SLC26A11: variants seen among roughly 807,000 people sequenced by gnomAD.
SLC26A11 encodes sodium-independent sulfate anion transporter.
SLC26A11 carries 58 observed loss-of-function variants against 62.2 expected under a neutral mutation model. That is an observed-to-expected ratio of 0.93 (90% CI 0.76 to 1.16). SLC26A11 has a LOEUF of 1.16. Ranked by LOEUF, SLC26A11 falls within the 50% of genes most tolerant of loss-of-function variation. The pLI is 0.00. For missense variants in SLC26A11, 790 were observed against 794.3 expected (o/e 0.99, Z 0.06); for synonymous variants, 411 against 368.9 (o/e 1.11, Z -1.31).
Position 80,252,824 on chromosome 17 carries a change from A to C in SLC26A11, c.*108A>C, listed in dbSNP as rs1598852946. ...ATAGACATGCTGGCCTGGCTGAGAA[A>C]CCCCTGAGCAGGTAACCCAGGGAAG... On this transcript the variant is annotated 3_prime_UTR_variant, in exon 18 of 18. Transcript: ENST00000361193. This position sits in a 1 kb window ranked among gnomAD's most constrained non-coding sequence, Gnocchi z 5.2. 1 of 993,466 alleles carries C rather than the reference A, an allele frequency of 1.0e-6. No individual in the cohort carries two copies. The highest frequency in any genetic ancestry group is 2.6e-5 in the East Asian group (1 of 38,272). The allele number at this position is 993,466 out of a possible 1,614,324, so 61.5% of individuals were successfully genotyped here.
intron 7 of SLC26A11, among the ~76,000 whole-genome samples, chr17:80,229,887 G>T (rs1396631810): frequency 6.6e-6 from 1 of 151,944 alleles, no homozygotes; most frequent in Non-Finnish European, 1.5e-5. Flanking sequence ...ACGCCCAGGG[G>T]ATTCATGGGG....
At chr17:80,247,889 G>C (rs565324836) in intron 13 of SLC26A11, among the ~76,000 whole-genome samples, 1 of 152,324 alleles carries the variant, frequency 6.6e-6, no homozygotes, top group Admixed American at 6.5e-5. Flanking sequence ...TGAGGTTGGA[G>C]GCCAGGGACC....
intron 13 of SLC26A11, among the ~76,000 whole-genome samples, chr17:80,247,316 A>G (rs369116261): frequency 1.5e-4 from 23 of 151,560 alleles, no homozygotes; most frequent in East Asian, 7.8e-4. Context: ...ATTCCACAAA[A>G]CCGCCATTGT....
In SLC26A11 at chr17:80,246,295, T is replaced by C. The variant is rs1360648508; in HGVS notation, c.1153+86T>C. The C allele has an allele frequency of 2.0e-6, 3 of 1,510,668 alleles. No homozygotes were observed. The highest frequency in any genetic ancestry group is 2.7e-6 in the Non-Finnish European group (3 of 1,115,662). The allele number at this position is 1,510,668 out of a possible 1,614,324, so 93.6% of individuals were successfully genotyped here. A position where few individuals can be genotyped will look rare whatever the true frequency, so the allele number is the denominator to read the frequency against. On this transcript the variant is annotated intron_variant, in intron 12 of 17. Transcript: ENST00000361193. The surrounding 1 kb of genome is among the most constrained non-coding windows in gnomAD (Gnocchi z 4.4). Reference sequence around the variant, plus strand: ...GGGCCCACAGAGACGTCCCTTTGGCTCATGGGCCGTGCGCCCCGGGACTGC... The same window carrying C: ...GGGCCCACAGAGACGTCCCTTTGGCCCATGGGCCGTGCGCCCCGGGACTGC...
chr17:80,242,229 G>A (rs2042884012), intron 10 of SLC26A11, among the ~76,000 whole-genome samples: 1 of 152,132 alleles, frequency 6.6e-6, no homozygotes, highest in African/African-American at 2.4e-5. Context: ...TGCCTGCCTC[G>A]GCCTCCCAAA....
chr17:80,224,892 C>T (rs1379548576), intron 5 of SLC26A11, among the ~76,000 whole-genome samples: 2 of 152,002 alleles, frequency 1.3e-5, no homozygotes. Context: ...GGACAGAAGA[C>T]CCTACCCCAA....
intron 6 of SLC26A11, 59 bp downstream of exon 6, chr17:80,225,975 C>T: frequency 1.3e-6 from 2 of 1,507,372 alleles, no homozygotes; most frequent in Non-Finnish European, 1.8e-6. Flanking sequence ...CACCTCCTCT[C>T]CCGGCCCCCA....
At position 80,245,218 on chromosome 17, in the gene SLC26A11, C is replaced by T; in HGVS notation, c.1059C>T (p.Ser353=). The T allele has an allele frequency of 6.2e-7, 1 of 1,613,982 alleles. No homozygotes were observed. The highest frequency in any genetic ancestry group is 8.5e-7 in the Non-Finnish European group (1 of 1,179,994). Residue 353 remains serine, a synonymous_variant, in exon 11 of 18, where the codon TCC becomes TCT. Coordinates refer to ENST00000361193, the MANE Select transcript of SLC26A11 (RefSeq NM_001166347.2). ...LAIGLTNMLG[S]LVSSYPVTGS... is the part of the protein sequence containing the mutation. ...CAGGTCTCACCAACATGTTGGGCTC[C>T]CTCGTCTCCTCCTACCCGGTCACAG...
At chr17:80,225,778 G>A (rs927343926) in intron 5 of SLC26A11, 59 bp from the exon 6 acceptor site, 6 of 1,471,646 alleles carry the variant, frequency 4.1e-6, no homozygotes, top group Middle Eastern at 1.7e-4. Flanking sequence ...GGGGAGCTGG[G>A]GACAGATGGC....
At position 80,243,484 on chromosome 17, in the gene SLC26A11, G is replaced by C. The variant is rs376627015; in HGVS notation, c.1036+1663G>C. Among the ~76,000 whole-genome samples, 69 of 152,134 alleles carry C rather than the reference G, an allele frequency of 4.5e-4. 1 individual carries two copies. Among genetic ancestry groups the C allele is most frequent in the Admixed American group, 2.8e-3 (43 of 15,274 alleles). ...ACGGTCTCGGCTTTCTGCAACCTCC[G>C]TCTCCTGGGTTCAAGCGATTCTCCT... On this transcript the variant is annotated intron_variant, in intron 10 of 17. Coordinates refer to ENST00000361193, the MANE Select transcript of SLC26A11 (RefSeq NM_001166347.2).
rs184994196 is a variant in SLC26A11 at position 80,222,645 on chromosome 17, C to T, written c.235-10C>T. 2 of 1,612,456 alleles carry T rather than the reference C, an allele frequency of 1.2e-6. No individual in the cohort carries two copies. Among genetic ancestry groups the T allele is most frequent in the South Asian group, 1.1e-5 (1 of 90,884 alleles). On this transcript the variant is annotated splice_polypyrimidine_tract_variant and intron_variant, in intron 3 of 17. Coordinates refer to ENST00000361193, the MANE Select transcript of SLC26A11 (RefSeq NM_001166347.2). This position sits in a 1 kb window ranked among gnomAD's most constrained non-coding sequence, Gnocchi z 4.7. Reference sequence around the variant, plus strand: ...GCCTCCTGAGTGCTCACCACCCTCTCTCCCCACAGTATGGCCTCTACTCTG... The same window carrying T: ...GCCTCCTGAGTGCTCACCACCCTCTTTCCCCACAGTATGGCCTCTACTCTG...
intron 9 of SLC26A11, among the ~76,000 whole-genome samples, chr17:80,240,316 A>T (rs1013799090): frequency 6.6e-6 from 1 of 151,832 alleles, no homozygotes; most frequent in South Asian, 2.1e-4. Context: ...GCAGTGAGCC[A>T]AGATCGCGCC....
chr17:80,251,145 TA>T (rs368934378), intron 16 of SLC26A11, among the ~76,000 whole-genome samples, 183 bp from the exon 17 acceptor site: 122 of 145,232 alleles, frequency 8.4e-4, no homozygotes, highest in South Asian at 2.0e-3. Flanking sequence ...AACAAAAAAT[TA>T]AAAAAAAAAA....
Position 80,246,381 on chromosome 17 carries a change from G to A in SLC26A11, c.1154-128G>A. On this transcript the variant is annotated intron_variant, in intron 12 of 17. Coordinates refer to ENST00000361193, the MANE Select transcript of SLC26A11 (RefSeq NM_001166347.2). The surrounding 1 kb of genome is among the most constrained non-coding windows in gnomAD (Gnocchi z 4.4). The stretch of plus-strand genomic sequence containing the variant: ...CCACAGGAGACTGAGCAGGGGCTGG[G>A]GGCCTTGGCAGTCGTCGCCCTACCC... 6.9e-7 allele frequency: 1 copy of A among 1,443,046 alleles called. No homozygotes were observed. Among genetic ancestry groups the A allele is most frequent in the African/African-American group, 1.4e-5 (1 of 71,682 alleles). 89.4% of individuals were successfully genotyped at this position (1,443,046 alleles called of 1,614,324 possible). A position where few individuals can be genotyped will look rare whatever the true frequency, so the allele number is the denominator to read the frequency against.
In SLC26A11 at chr17:80,225,990, A is replaced by C. The variant is rs537581844; in HGVS notation, c.593+74A>C. On this transcript the variant is annotated intron_variant, in intron 6 of 17. Transcript: ENST00000361193. Reference sequence around the variant, plus strand: ...CACCTCCTCTCCCGGCCCCCACCTCAGTTTCCCCACCCCTGGTGACTGCTC... The same window carrying C: ...CACCTCCTCTCCCGGCCCCCACCTCCGTTTCCCCACCCCTGGTGACTGCTC... The C allele has an allele frequency of 5.0e-6, 7 of 1,388,200 alleles. No individual in the cohort carries two copies. In the East Asian group the frequency reaches 1.6e-4, roughly 32 times the overall value. 86.0% of individuals were successfully genotyped at this position (1,388,200 alleles called of 1,614,324 possible). A position where few individuals can be genotyped will look rare whatever the true frequency, so the allele number is the denominator to read the frequency against.
intron 7 of SLC26A11, chr17:80,236,706 ATG>A (rs112162356): frequency 0.1 from 52,660 of 506,466 alleles, 4,056 homozygotes; most frequent in African/African-American, 0.29. Flanking sequence ...AGCAGGTGGC[ATG>A]TGCACCTGTC....
rs369757548 is a variant in SLC26A11 at position 80,249,158 on chromosome 17, C to T, written c.1527C>T (p.Ser509=). The change falls in exon 16 of 18, where the codon TCC becomes TCT. Residue 509 remains serine (S), a synonymous_variant. Coordinates refer to ENST00000361193, the MANE Select transcript of SLC26A11 (RefSeq NM_001166347.2). ...GGCTCGGGCCTGTCTCCCCAGTGTC[C>T]CCGCCACGCTGCCTGGTCCTGGAGT... ...EEILSRALEV[S]PPRCLVLECT... 6 of 1,606,420 alleles carry T rather than the reference C, an allele frequency of 3.7e-6. No homozygotes were observed. Among genetic ancestry groups the T allele is most frequent in the Admixed American group, 3.3e-5 (2 of 59,894 alleles).
intron 10 of SLC26A11, among the ~76,000 whole-genome samples, chr17:80,244,858 C>T (rs1346841525): frequency 1.3e-5 from 2 of 151,884 alleles, no homozygotes; most frequent in African/African-American, 4.8e-5. Flanking sequence ...TGCCTGTAAT[C>T]CCAGCTACTC....
intron 5 of SLC26A11, among the ~76,000 whole-genome samples, chr17:80,224,340 TGA>T (rs759860847): frequency 1.0e-3 from 150 of 144,738 alleles, no homozygotes; most frequent in Non-Finnish European, 1.6e-3. Context: ...AGTGAGAGTG[TGA>T]GAGTGGGTGT....
Sources: gnomAD v4.1 joint callset for allele counts (sites outside exome capture counted in the v4.1 genomes callset) on GRCh38, gnomAD v4.1.1 for gene constraint, Gnocchi (gnomAD v3.1) non-coding constraint, MANE v1.5 for transcripts, NCBI Gene and HGNC (gene_info 2026-07-23, HGNC 2026-07-21) for gene names.